The following BARX2 variants were observed in gnomAD, a reference collection of about 807,000 sequenced individuals.
BARX2 encodes the protein homeobox protein BarH-like 2.
Under a neutral mutation model 25.5 loss-of-function variants are expected in BARX2, and 11 were observed. The ratio of observed to expected loss-of-function variants is 0.43; its 90% CI spans 0.27 to 0.71. BARX2 has a LOEUF of 0.71. Ranked by LOEUF, BARX2 falls within the 30% of genes least tolerant of loss-of-function variation. The pLI is 0.19. For missense variants in BARX2, 360 were observed against 359.9 expected, an observed-to-expected ratio of 1.00 and a Z score of 0.00; for synonymous variants, 137 against 149.5, an observed-to-expected ratio of 0.92 and a Z score of 0.61.
intron 1 of BARX2, among the ~76,000 whole-genome samples, chr11:129,384,323 T>C (rs1861598740): frequency 6.6e-6 from 1 of 152,120 alleles, no homozygotes; most frequent in African/African-American, 2.4e-5. Flanking sequence ...ACTTACCATG[T>C]GGAGAAATGG....
chr11:129,408,002 C>A (rs1003814061), intron 1 of BARX2, among the ~76,000 whole-genome samples: 2 of 112,254 alleles, frequency 1.8e-5, no homozygotes, highest in African/African-American at 7.2e-5. Context: ...GAGATTGAGA[C>A]AGAGCCAGAC....
rs984151850 is a variant in BARX2, at chr11:129,451,597, G to A, written c.*195G>A. ...ACAAAGACTTGCTTGTCTTGGGCCT[G>A]TCACCTCCTGAAAGGCTGCTTTAGC... On this transcript the variant is annotated 3_prime_UTR_variant, in exon 4 of 4. Coordinates refer to ENST00000281437, the MANE Select transcript of BARX2 (RefSeq NM_003658.5). 7.4e-6 allele frequency: 5 copies of A among 672,696 alleles called. No homozygotes were observed. The highest frequency in any genetic ancestry group is 3.6e-5 in the African/African-American group (2 of 55,082). The allele number at this position is 672,696 out of a possible 1,614,324, so 41.7% of individuals were successfully genotyped here.
chr11:129,433,579 G>T (rs1394882282), intron 1 of BARX2, among the ~76,000 whole-genome samples: 1 of 152,110 alleles, frequency 6.6e-6, no homozygotes. Flanking sequence ...TGCCTACTCT[G>T]CCTTTCTGCT....
In BARX2 at chr11:129,451,426, G is replaced by A; in HGVS notation, c.*24G>A. ...AAAGTAAAACCCTTTTGAGGGAAGA[G>A]GGAGACTGGGGAGAAGGGAAAAGAG... On this transcript the variant is annotated 3_prime_UTR_variant, in exon 4 of 4. Transcript: ENST00000281437. The A allele has an allele frequency of 1.3e-6, 2 of 1,599,760 alleles. No homozygotes were observed. The highest frequency in any genetic ancestry group is 1.7e-6 in the Non-Finnish European group (2 of 1,169,920).
At chr11:129,421,743 C>G (rs184614761) in intron 1 of BARX2, among the ~76,000 whole-genome samples, 4 of 152,308 alleles carry the variant, frequency 2.6e-5, no homozygotes, top group East Asian at 3.9e-4. Flanking sequence ...ACGAGCTCTT[C>G]CTGCTTGTCC....
chr11:129,399,043 A>G lies in BARX2; in HGVS notation c.187+22821A>G, dbSNP rs188776468. 3.5e-4 allele frequency among the ~76,000 whole-genome samples: 54 copies of G among 152,334 alleles called. 1 individual carries two copies. The highest frequency in any genetic ancestry group is 2.8e-3 in the Admixed American group (43 of 15,296). ...ACGTAGGGATATTTTCAGCAAGGGA[A>G]AAAGCATAAACACTTTTCTCAATGT... is the stretch of plus-strand genomic sequence containing the variant. On this transcript the variant is annotated intron_variant, in intron 1 of 3. Transcript: ENST00000281437.
intron 3 of BARX2, among the ~76,000 whole-genome samples, chr11:129,446,036 G>T (rs187453806): frequency 3.3e-5 from 5 of 152,306 alleles, no homozygotes; most frequent in Admixed American, 1.3e-4. Context: ...CCAGAACCGA[G>T]ATAGCATCTC....
intron 1 of BARX2, among the ~76,000 whole-genome samples, chr11:129,418,197 G>A (rs1861965193): frequency 6.6e-6 from 1 of 152,092 alleles, no homozygotes; most frequent in Admixed American, 6.5e-5. Context: ...CTATCTCTAG[G>A]CGTAATGGTT....
intron 1 of BARX2, among the ~76,000 whole-genome samples, chr11:129,389,744 A>G (rs887103082): frequency 1.5e-4 from 23 of 148,480 alleles, no homozygotes; most frequent in Admixed American, 1.5e-3. Context: ...AAATGAAACT[A>G]TTCTTTTTTT....
chr11:129,384,244 T>A (rs74342675), intron 1 of BARX2, among the ~76,000 whole-genome samples: 17,346 of 151,518 alleles, frequency 0.11, 1,158 homozygotes, highest in Non-Finnish European at 0.14. Context: ...TTTTTTTTTT[T>A]AAAAAACCAA....
chr11:129,381,911 A>G (rs1032762339), intron 1 of BARX2, among the ~76,000 whole-genome samples: 13 of 152,160 alleles, frequency 8.5e-5, no homozygotes, highest in Non-Finnish European at 1.8e-4. Context: ...AGGCAAAACA[A>G]AGCTGGCTTG....
At chr11:129,444,978 G>T (rs1048412216) in intron 3 of BARX2, among the ~76,000 whole-genome samples, 1 of 151,990 alleles carries the variant, frequency 6.6e-6, no homozygotes, top group African/African-American at 2.4e-5. Flanking sequence ...TCCAGTCTGG[G>T]CCACGGAGCA....
intron 3 of BARX2, among the ~76,000 whole-genome samples, chr11:129,446,296 G>A (rs1258716130): frequency 2.6e-5 from 4 of 152,210 alleles, no homozygotes; most frequent in South Asian, 2.1e-4. Flanking sequence ...ACAGAATTGC[G>A]TGGGCCCCAC....
At chr11:129,402,200 T>C (rs1291555157) in intron 1 of BARX2, among the ~76,000 whole-genome samples, 2 of 152,088 alleles carry the variant, frequency 1.3e-5, no homozygotes, top group East Asian at 3.9e-4. Flanking sequence ...GAGGCATCGC[T>C]GTATACCAGC....
intron 3 of BARX2, among the ~76,000 whole-genome samples, chr11:129,446,386 G>C (rs1436814850): frequency 6.6e-6 from 1 of 152,150 alleles, no homozygotes; most frequent in Non-Finnish European, 1.5e-5. Flanking sequence ...GTAGCTCTCT[G>C]TGTAATCTTG....
At chr11:129,412,145 G>A (rs1299118001) in intron 1 of BARX2, among the ~76,000 whole-genome samples, 6 of 152,008 alleles carry the variant, frequency 3.9e-5, no homozygotes, top group South Asian at 2.1e-4. Context: ...GGTGGCGGGC[G>A]CCTGTAGTCC....
chr11:129,450,037 T>A (rs1161594267), intron 3 of BARX2, among the ~76,000 whole-genome samples: 1 of 152,190 alleles, frequency 6.6e-6, no homozygotes, highest in African/African-American at 2.4e-5. Context: ...TATCTGTTGG[T>A]CACCCTCACT....
intron 3 of BARX2, among the ~76,000 whole-genome samples, chr11:129,444,643 C>G (rs914379554): frequency 2.0e-5 from 3 of 152,102 alleles, no homozygotes; most frequent in Admixed American, 6.6e-5. Context: ...CTGGTTGTTA[C>G]GGATTTATAA....
rs931088391 is a variant in BARX2 at position 129,376,380 on chromosome 11, G to A, written c.187+158G>A. ...TGGGCATTGCAAAGGCATCTGCGAC[G>A]TGGCCGGGAAGGACCACGCAAGGTG... is the stretch of plus-strand genomic sequence containing the variant. On this transcript the variant is annotated intron_variant, in intron 1 of 3. Coordinates refer to ENST00000281437, the MANE Select transcript of BARX2 (RefSeq NM_003658.5). The surrounding 1 kb of genome is among the most constrained non-coding windows in gnomAD (Gnocchi z 4.2). Among the ~76,000 whole-genome samples, 1 of 152,222 alleles carries A rather than the reference G, an allele frequency of 6.6e-6. No individual in the cohort carries two copies. Among genetic ancestry groups the A allele is most frequent in the African/African-American group, 2.4e-5 (1 of 41,458 alleles).
Sources: gnomAD v4.1 joint callset for allele counts (sites outside exome capture counted in the v4.1 genomes callset) on GRCh38, gnomAD v4.1.1 for gene constraint, Gnocchi (gnomAD v3.1) non-coding constraint, MANE v1.5 for transcripts, NCBI Gene and HGNC (gene_info 2026-07-23, HGNC 2026-07-21) for gene names.